OPCML: variants seen among roughly 807,000 people sequenced by gnomAD.
OPCML encodes the protein opioid-binding protein/cell adhesion molecule.
In OPCML, 13 loss-of-function variants were observed where a neutral mutation model predicts 37.8. The ratio of observed to expected loss-of-function variants is 0.34; its 90% CI spans 0.22 to 0.55. The LOEUF is 0.55. Among genes scored for constraint, OPCML ranks in the 20% least tolerant of loss-of-function variants. The probability of loss-of-function intolerance (pLI) is 0.91; values close to 1 mark genes in which losing one functional copy is unlikely to be tolerated. For missense variants in OPCML, 341 were observed against 435.6 expected (o/e 0.78, Z 1.93); for synonymous variants, 176 against 168.8 (o/e 1.04, Z -0.33).
At chr11:132,887,971 G>A (rs989935514) in intron 2 of OPCML, among the ~76,000 whole-genome samples, 1 of 152,202 alleles carries the variant, frequency 6.6e-6, no homozygotes, top group Non-Finnish European at 1.5e-5. Context: ...TCTAGATTTT[G>A]TTGCTTGTAA....
chr11:133,400,808 C>T (rs1945387270), intron 1 of OPCML, among the ~76,000 whole-genome samples: 2 of 152,116 alleles, frequency 1.3e-5, no homozygotes, highest in Non-Finnish European at 2.9e-5. Flanking sequence ...GTTTCAGATG[C>T]CATGACTCAA....
At chr11:132,801,015 C>T (rs571849883) in intron 2 of OPCML, among the ~76,000 whole-genome samples, 4 of 152,216 alleles carry the variant, frequency 2.6e-5, no homozygotes, top group African/African-American at 7.2e-5. Flanking sequence ...GTAAAGCCAC[C>T]GGGGCATGGG....
intron 1 of OPCML, among the ~76,000 whole-genome samples, chr11:133,127,506 G>A (rs890980016): frequency 6.6e-6 from 1 of 151,892 alleles, no homozygotes; most frequent in African/African-American, 2.4e-5. Context: ...GGTGATGCAT[G>A]TCTGTAGTCC....
intron 1 of OPCML, among the ~76,000 whole-genome samples, chr11:132,946,838 G>A (rs1462708776): frequency 1.3e-5 from 2 of 152,226 alleles, no homozygotes; most frequent in Non-Finnish European, 2.9e-5. Flanking sequence ...AGACTTGAGT[G>A]AACCCGGGTT....
chr11:133,483,820 G>GATAGATAGATAA (rs1344805440), intron 1 of OPCML, among the ~76,000 whole-genome samples: 19,548 of 149,570 alleles, frequency 0.13, 1,573 homozygotes, highest in Admixed American at 0.18. Flanking sequence ...TAGATAGATA[G>GATAGATAGATAA]ATAGATAGGA....
chr11:132,489,277 A>G (rs923332823), intron 4 of OPCML, among the ~76,000 whole-genome samples: 5 of 152,162 alleles, frequency 3.3e-5, no homozygotes, highest in Non-Finnish European at 7.3e-5. Flanking sequence ...AGGGGCAGTA[A>G]CACACATGGA....
chr11:133,439,423 T>A (rs929540944), intron 1 of OPCML: 3 of 985,156 alleles, frequency 3.0e-6, no homozygotes, highest in Non-Finnish European at 3.6e-6. Context: ...GAAATGCTTA[T>A]GAGGCCAACC....
chr11:132,444,609 A>G (rs978172666), intron 4 of OPCML, among the ~76,000 whole-genome samples: 2 of 152,164 alleles, frequency 1.3e-5, no homozygotes, highest in African/African-American at 4.8e-5. Context: ...GTATGTGTTC[A>G]CATTATGCCT....
chr11:132,808,146 A>C (rs1939123581), intron 2 of OPCML, among the ~76,000 whole-genome samples: 1 of 152,224 alleles, frequency 6.6e-6, no homozygotes. Context: ...GGGGATGGGA[A>C]CCAAACACAG....
At chr11:132,614,287 G>A (rs181534916) in intron 3 of OPCML, among the ~76,000 whole-genome samples, 1 of 152,088 alleles carries the variant, frequency 6.6e-6, no homozygotes, top group Admixed American at 6.6e-5. Flanking sequence ...ATTTTCCTGA[G>A]CCTGAATTTC....
At chr11:133,464,456 C>T (rs944266619) in intron 1 of OPCML, among the ~76,000 whole-genome samples, 7 of 152,060 alleles carry the variant, frequency 4.6e-5, no homozygotes, top group East Asian at 1.9e-4. Context: ...AAATGTGGGG[C>T]GCTCTGGGGC....
At chr11:132,853,202 C>T (rs1443762480) in intron 2 of OPCML, among the ~76,000 whole-genome samples, 2 of 152,136 alleles carry the variant, frequency 1.3e-5, no homozygotes, top group African/African-American at 4.8e-5. Flanking sequence ...TTTGAGCTTT[C>T]ATGGAGAAAA....
At chr11:133,027,669 T>C (rs1262712884) in intron 1 of OPCML, among the ~76,000 whole-genome samples, 1 of 140,134 alleles carries the variant, frequency 7.1e-6, no homozygotes, top group Non-Finnish European at 1.6e-5. Context: ...GGGCGTGTGG[T>C]GTGCATGGGA....
intron 2 of OPCML, among the ~76,000 whole-genome samples, chr11:132,691,715 A>G (rs189220262): frequency 3.1e-4 from 47 of 152,324 alleles, no homozygotes; most frequent in African/African-American, 1.1e-3. Flanking sequence ...GCCTATGTCC[A>G]TCCAGTTTCA....
intron 1 of OPCML, among the ~76,000 whole-genome samples, chr11:133,172,919 T>C (rs1950307564): frequency 6.6e-6 from 1 of 152,198 alleles, no homozygotes; most frequent in African/African-American, 2.4e-5. Context: ...TAAGTACTAT[T>C]TGGAAGTGAG....
At chr11:133,368,939 T>C (rs7924622) in intron 1 of OPCML, among the ~76,000 whole-genome samples, 41 of 152,354 alleles carry the variant, frequency 2.7e-4, no homozygotes, top group African/African-American at 9.6e-4. Context: ...TAAACATAGC[T>C]ATACAATTAA....
chr11:133,230,815 G>A (rs918296380), intron 1 of OPCML, among the ~76,000 whole-genome samples: 2 of 152,152 alleles, frequency 1.3e-5, no homozygotes, highest in African/African-American at 2.4e-5. Context: ...CATGTTGCAG[G>A]ACTCTGCTCC....
intron 1 of OPCML, chr11:133,007,487 T>G: frequency 2.0e-6 from 2 of 985,474 alleles, no homozygotes; most frequent in Non-Finnish European, 2.4e-6. Flanking sequence ...AATTTGTTAA[T>G]GAACCTGTCC....
intron 1 of OPCML, among the ~76,000 whole-genome samples, chr11:133,103,029 T>G (rs1026548344): frequency 2.6e-5 from 4 of 152,192 alleles, no homozygotes; most frequent in African/African-American, 9.6e-5. Context: ...ACTGTTGTCG[T>G]CAGCTTCTCA....
Sources: gnomAD v4.1 joint callset for allele counts (sites outside exome capture counted in the v4.1 genomes callset) on GRCh38, gnomAD v4.1.1 for gene constraint, MANE v1.5 for transcripts, NCBI Gene and HGNC (gene_info 2026-07-23, HGNC 2026-07-21) for gene names.